Variants in ACSS3 observed in about 807,000 individuals in gnomAD.
ACSS3 encodes acyl-CoA synthetase short-chain family member 3, mitochondrial.
ACSS3 carries 64 observed loss-of-function variants against 84.2 expected under a neutral mutation model. That is an observed-to-expected ratio of 0.76 (90% CI 0.62 to 0.94). The LOEUF is 0.94. Ranked by LOEUF, ACSS3 falls within the 40% of genes least tolerant of loss-of-function variation. ACSS3 has a pLI of 0.00. For synonymous variants in ACSS3, 317 were observed against 310.1 expected (o/e 1.02, Z -0.23); for missense variants, 815 against 867.6 (o/e 0.94, Z 0.76).
chr12:81,249,304 C>A (rs2034082429), intron 13 of ACSS3, among the ~76,000 whole-genome samples: 1 of 151,988 alleles, frequency 6.6e-6, no homozygotes, highest in Admixed American at 6.6e-5. Flanking sequence ...CAGGCGTTTT[C>A]ATACAAAGAA....
intron 13 of ACSS3, among the ~76,000 whole-genome samples, chr12:81,234,516 C>T (rs910300242): frequency 6.6e-6 from 1 of 151,422 alleles, no homozygotes; most frequent in Admixed American, 6.6e-5. Flanking sequence ...TAGCCACCAG[C>T]AGTATTTAAG....
intron 1 of ACSS3, among the ~76,000 whole-genome samples, chr12:81,107,892 G>A (rs1210487935): frequency 6.6e-6 from 1 of 151,802 alleles, no homozygotes; most frequent in Non-Finnish European, 1.5e-5. Flanking sequence ...AGTTATATCT[G>A]GGAGGCTGTT....
chr12:81,233,413 G>A lies in ACSS3; in HGVS notation c.1661G>A (p.Arg554Gln), dbSNP rs778280883. ...DEEGYLYVMS[R>Q]VDDVINVAGH... is the part of the protein sequence containing the mutation. ...GAAGGCTATTTGTATGTTATGTCTC[G>A]AGTGGATGATGTAATAAATGTTGCA... Residue 554 changes from arginine (R) to glutamine (Q), a missense_variant, in exon 13 of 16, where the codon CGA (arginine) becomes CAA (glutamine). Transcript: ENST00000548058. 1.1e-5 allele frequency: 17 copies of A among 1,611,134 alleles called. No homozygotes were observed. Among genetic ancestry groups the A allele is most frequent in the Non-Finnish European group, 1.4e-5 (17 of 1,177,994 alleles).
At chr12:81,103,187 T>C (rs924981108) in intron 1 of ACSS3, among the ~76,000 whole-genome samples, 1 of 152,200 alleles carries the variant, frequency 6.6e-6, no homozygotes, top group Non-Finnish European at 1.5e-5. Context: ...CCTCAGGCCC[T>C]TGGGAAAAAC....
chr12:81,108,813 C>T (rs1318591792), intron 1 of ACSS3, among the ~76,000 whole-genome samples: 1 of 152,058 alleles, frequency 6.6e-6, no homozygotes, highest in East Asian at 1.9e-4. Context: ...TTCTAATTCC[C>T]ATTTTACTAA....
chr12:81,114,258 T>G (rs1666434164), intron 2 of ACSS3, among the ~76,000 whole-genome samples: 1 of 152,134 alleles, frequency 6.6e-6, no homozygotes, highest in Non-Finnish European at 1.5e-5. Flanking sequence ...CTAAAGGTAA[T>G]TTTTTGAAAC....
At chr12:81,148,321 T>C (rs1593127935) in intron 5 of ACSS3, among the ~76,000 whole-genome samples, 2 of 152,160 alleles carry the variant, frequency 1.3e-5, no homozygotes, top group Admixed American at 1.3e-4. Flanking sequence ...CACCAACATG[T>C]TTTCTGTTTT....
intron 1 of ACSS3, among the ~76,000 whole-genome samples, chr12:81,084,562 A>C (rs775550375): frequency 6.6e-6 from 1 of 152,142 alleles, no homozygotes; most frequent in Non-Finnish European, 1.5e-5. Flanking sequence ...TTTAGTATAA[A>C]TCTTAAAGAG....
At position 81,149,672 on chromosome 12, in the gene ACSS3, G is replaced by A. The variant is rs147420796; in HGVS notation, c.922-2172G>A. On this transcript the variant is annotated intron_variant, in intron 5 of 15. Transcript: ENST00000548058. ...TTCTTTAAAAAATAAAAGTAAGTGG[G>A]TATCAAAGACTAACGAAAAACAGAA... 2.2e-3 allele frequency among the ~76,000 whole-genome samples: 328 copies of A among 152,160 alleles called. 1 individual carries two copies. The highest frequency in any genetic ancestry group is 7.2e-3 in the African/African-American group (299 of 41,542).
chr12:81,121,963 T>C (rs1395611733), intron 2 of ACSS3, among the ~76,000 whole-genome samples: 2 of 150,776 alleles, frequency 1.3e-5, no homozygotes, highest in Non-Finnish European at 2.9e-5. Flanking sequence ...AGATGGAGTC[T>C]TGCTCTGCTG....
At chr12:81,117,182 G>A (rs1299242518) in intron 2 of ACSS3, among the ~76,000 whole-genome samples, 1 of 152,138 alleles carries the variant, frequency 6.6e-6, no homozygotes, top group Non-Finnish European at 1.5e-5. Context: ...GGACTAGAAT[G>A]ATCATGGTGT....
At chr12:81,168,391 C>G (rs1050505358) in intron 7 of ACSS3, among the ~76,000 whole-genome samples, 2 of 152,130 alleles carry the variant, frequency 1.3e-5, no homozygotes, top group Non-Finnish European at 2.9e-5. Context: ...GACTCCTCTT[C>G]CATAGGAAAA....
At chr12:81,092,514 G>A (rs374562624) in intron 1 of ACSS3, among the ~76,000 whole-genome samples, 47 of 152,144 alleles carry the variant, frequency 3.1e-4, no homozygotes, top group African/African-American at 9.4e-4. Flanking sequence ...AGCACATAGC[G>A]TTCCATTTTG....
At chr12:81,236,614 G>C (rs1485232035) in intron 13 of ACSS3, among the ~76,000 whole-genome samples, 1 of 151,272 alleles carries the variant, frequency 6.6e-6, no homozygotes, top group Non-Finnish European at 1.5e-5. Context: ...AGTGTTTTCA[G>C]ATAATTTACA....
chr12:81,248,455 C>T (rs551539917), intron 13 of ACSS3, among the ~76,000 whole-genome samples: 1 of 152,058 alleles, frequency 6.6e-6, no homozygotes, highest in African/African-American at 2.4e-5. Flanking sequence ...GATCCAGGCA[C>T]AGAAAGACAA....
At chr12:81,238,696 A>G (rs1417909118) in intron 13 of ACSS3, among the ~76,000 whole-genome samples, 1 of 151,464 alleles carries the variant, frequency 6.6e-6, no homozygotes, top group African/African-American at 2.4e-5. Flanking sequence ...AATGTCCATG[A>G]TCTGTAGTAA....
At chr12:81,154,702 C>T (rs1172120923) in intron 7 of ACSS3, among the ~76,000 whole-genome samples, 1 of 152,190 alleles carries the variant, frequency 6.6e-6, no homozygotes, top group African/African-American at 2.4e-5. Flanking sequence ...GAAGCTGCTG[C>T]AGCAGGGGTC....
intron 10 of ACSS3, among the ~76,000 whole-genome samples, chr12:81,218,848 A>G (rs1264737986): frequency 1.3e-5 from 2 of 152,088 alleles, no homozygotes; most frequent in Non-Finnish European, 2.9e-5. Context: ...ATTTAAAACC[A>G]AGGAATCAGT....
At chr12:81,090,781 C>T (rs1402347891) in intron 1 of ACSS3, among the ~76,000 whole-genome samples, 4 of 151,950 alleles carry the variant, frequency 2.6e-5, no homozygotes, top group Non-Finnish European at 4.4e-5. Flanking sequence ...TTTATCAAGA[C>T]AAATACATAT....
Sources: allele counts gnomAD v4.1 joint callset (sites outside exome capture counted in the v4.1 genomes callset), GRCh38; gene constraint gnomAD v4.1.1; transcripts MANE v1.5; gene names NCBI Gene and HGNC (gene_info 2026-07-23, HGNC 2026-07-21).